The following MAOB variants were observed in gnomAD, a reference collection of about 807,000 sequenced individuals.
MAOB encodes amine oxidase [flavin-containing] B.
MAOB carries 15 observed loss-of-function variants against 41.9 expected under a neutral mutation model. That is an observed-to-expected ratio of 0.36 (90% confidence interval 0.24 to 0.55). MAOB has a LOEUF of 0.55. Ranked by LOEUF, MAOB falls within the 20% of genes least tolerant of loss-of-function variation. MAOB has a pLI of 0.86. For missense variants in MAOB, 345 were observed against 398.7 expected (o/e 0.87, Z 1.15); for synonymous variants, 167 against 144.2 (o/e 1.16, Z -1.13).
intron 3 of MAOB, among the ~76,000 whole-genome samples, chrX:43,829,028 C>T (rs751994807): frequency 1.8e-5 from 2 of 111,507 alleles, no homozygotes; most frequent in Admixed American, 1.9e-4. Context: ...CCTTGAGAGC[C>T]TAAATTATAG....
At chrX:43,865,690 G>A (rs1343456931) in intron 1 of MAOB, among the ~76,000 whole-genome samples, 3 of 110,370 alleles carry the variant, frequency 2.7e-5, no homozygotes, top group African/African-American at 9.9e-5. Flanking sequence ...GTTGTAGCAG[G>A]TATTGTCGAT....
rs149882461 is a variant in MAOB, at chrX:43,841,553, A to T, written c.141+2117T>A. Among the ~76,000 whole-genome samples the T allele has an allele frequency of 8.9e-3, 994 of 112,011 alleles. 23 individuals are homozygous for T. The South Asian group carries it at 0.13, about 15-fold the overall frequency. On this transcript the variant is annotated intron_variant, in intron 2 of 14. Coordinates refer to ENST00000378069, the MANE Select transcript of MAOB (RefSeq NM_000898.5). ...TGTTATTTTTCACAGAAACAGAAAA[A>T]ACAATCCTTAAATTCATATGGAACT...
intron 2 of MAOB, among the ~76,000 whole-genome samples, chrX:43,841,976 G>T (rs368704480): frequency 2.7e-5 from 3 of 111,812 alleles, no homozygotes; most frequent in African/African-American, 9.7e-5. Flanking sequence ...ATTACTTGAA[G>T]AAAACAAGGG....
intron 1 of MAOB, among the ~76,000 whole-genome samples, chrX:43,858,636 A>C (rs1217993943): frequency 9.0e-6 from 1 of 110,889 alleles, no homozygotes; most frequent in Non-Finnish European, 1.9e-5. Context: ...TTTCCACAGC[A>C]GTAAATACTT....
intron 1 of MAOB, among the ~76,000 whole-genome samples, chrX:43,847,173 G>A (rs190516530): frequency 8.1e-5 from 9 of 110,831 alleles, no homozygotes; most frequent in Admixed American, 6.7e-4. Flanking sequence ...GGGAAACCCC[G>A]TCTCTACTAA....
At chrX:43,798,849 C>G (rs947646554) in intron 5 of MAOB, among the ~76,000 whole-genome samples, 3 of 111,800 alleles carry the variant, frequency 2.7e-5, no homozygotes, top group Non-Finnish European at 5.6e-5. Flanking sequence ...ATTGTTGCAA[C>G]AACCGTATCA....
At chrX:43,844,307 G>A (rs990655655) in intron 1 of MAOB, 1 of 111,730 alleles carries the variant, frequency 9.0e-6, no homozygotes, top group Non-Finnish European at 1.9e-5. Context: ...CATCACTGAA[G>A]AATGAAATAA....
intron 1 of MAOB, among the ~76,000 whole-genome samples, chrX:43,860,455 T>A (rs2035324711): frequency 9.0e-6 from 1 of 111,528 alleles, no homozygotes; most frequent in Non-Finnish European, 1.9e-5. Context: ...CCTTGATTCT[T>A]TTTCTTCCTG....
At chrX:43,772,754 T>C (rs1221840268) in intron 12 of MAOB, among the ~76,000 whole-genome samples, 3 of 111,519 alleles carry the variant, frequency 2.7e-5, no homozygotes, top group Non-Finnish European at 5.6e-5. Context: ...GTTTGGATCA[T>C]GGGGACGGAT....
chrX:43,846,946 C>A lies in MAOB; in HGVS notation c.47-3182G>T, dbSNP rs760864331. On this transcript the variant is annotated intron_variant, in intron 1 of 14. Transcript: ENST00000378069. ...ATTGCAAAAAAAAATCATACAGTAG[C>A]AGAAATACATTTGCCTTAAAACATT... 3.6e-5 allele frequency among the ~76,000 whole-genome samples: 4 copies of A among 112,381 alleles called. No homozygotes were observed. In the South Asian group the frequency reaches 1.5e-3, roughly 41 times the overall value.
In MAOB at chrX:43,843,742, C is replaced by A. The variant is rs1275874890; in HGVS notation, c.69G>T (p.Leu23=). Residue 23 remains leucine (L), a synonymous_variant, in exon 2 of 15, where the codon CTG becomes CTT. Coordinates refer to ENST00000378069, the MANE Select transcript of MAOB (RefSeq NM_000898.5). ...CAACCACATTCAGTCCAGAGTCATG[C>A]AGAAGTTTGGCTGCTGCCATACCTG... is the stretch of plus-strand genomic sequence containing the variant. ...GISGMAAAKL[L]HDSGLNVVVL... 8.3e-7 allele frequency: 1 copy of A among 1,210,284 alleles called. No homozygotes were observed. The highest frequency in any genetic ancestry group is 1.7e-5 in the African/African-American group (1 of 57,648).
intron 6 of MAOB, among the ~76,000 whole-genome samples, chrX:43,796,110 A>T (rs760331947): frequency 9.0e-6 from 1 of 111,203 alleles, no homozygotes; most frequent in Non-Finnish European, 1.9e-5. Context: ...AGATTCCCAG[A>T]CTCCAACCTT....
chrX:43,809,351 A>G (rs1298145804), intron 3 of MAOB, among the ~76,000 whole-genome samples: 1 of 112,535 alleles, frequency 8.9e-6, no homozygotes, highest in Non-Finnish European at 1.9e-5. Flanking sequence ...TCTAAAACCA[A>G]AAACAGAGTA....
chrX:43,852,058 C>T (rs1202169109), intron 1 of MAOB, among the ~76,000 whole-genome samples: 1 of 111,697 alleles, frequency 9.0e-6, no homozygotes, highest in African/African-American at 3.3e-5. Flanking sequence ...AAGCTTTATG[C>T]CCAAAAGGCC....
chrX:43,871,700 A>G (rs112693054), intron 1 of MAOB, among the ~76,000 whole-genome samples: 1,380 of 108,481 alleles, frequency 0.013, 41 homozygotes, highest in African/African-American at 0.043. Context: ...CAACGAATGA[A>G]CAAATTTCTT....
intron 5 of MAOB, among the ~76,000 whole-genome samples, chrX:43,797,735 C>T (rs1017651086): frequency 3.6e-5 from 4 of 112,313 alleles, no homozygotes; most frequent in African/African-American, 1.3e-4. Context: ...AGGAGTACTG[C>T]AATTACTTCC....
At chrX:43,793,972 G>T (rs2034495419) in intron 7 of MAOB, among the ~76,000 whole-genome samples, 1 of 111,903 alleles carries the variant, frequency 8.9e-6, no homozygotes, top group Admixed American at 9.4e-5. Context: ...ACGTGCCCAG[G>T]TTCAAGCGAT....
intron 8 of MAOB, among the ~76,000 whole-genome samples, chrX:43,783,010 TTAGG>T (rs1460082301): frequency 9.0e-6 from 1 of 111,520 alleles, no homozygotes; most frequent in Non-Finnish European, 1.9e-5. Context: ...TAAGAGCTAT[TTAGG>T]ACAAACCCAC....
At chrX:43,821,178 T>C (rs1322875223) in intron 3 of MAOB, among the ~76,000 whole-genome samples, 1 of 112,134 alleles carries the variant, frequency 8.9e-6, no homozygotes, top group Non-Finnish European at 1.9e-5. Flanking sequence ...CCGTATGAAC[T>C]AGCAGATGAC....
Sources: gnomAD v4.1 joint callset for allele counts (sites outside exome capture counted in the v4.1 genomes callset) on GRCh38, gnomAD v4.1.1 for gene constraint, MANE v1.5 for transcripts, NCBI Gene and HGNC (gene_info 2026-07-23, HGNC 2026-07-21) for gene names.